Variants in GPAT3 observed in about 807,000 individuals in gnomAD.
The protein encoded by GPAT3 is glycerol-3-phosphate acyltransferase 3, also known as 1-AGP acyltransferase 9.
In GPAT3, 53 loss-of-function variants were observed where a neutral mutation model predicts 58.8. That is an observed-to-expected ratio of 0.90 (90% CI 0.72 to 1.13). The LOEUF (loss-of-function observed/expected upper bound fraction) is 1.13. GPAT3 is among the 50% of genes most tolerant of loss of function. GPAT3 has a pLI of 0.00. For synonymous variants in GPAT3, 197 were observed against 187.4 expected, an observed-to-expected ratio of 1.05 and a Z score of -0.42; for missense variants, 511 against 527.6, an observed-to-expected ratio of 0.97 and a Z score of 0.31.
chr4:83,601,895 C>T (rs1054931496), intron 11 of GPAT3, among the ~76,000 whole-genome samples: 8 of 152,184 alleles, frequency 5.3e-5, no homozygotes, highest in African/African-American at 1.9e-4. Context: ...GCTAGCTGAC[C>T]ACCCTGGAGT....
At chr4:83,557,043 T>C (rs1226262561) in intron 2 of GPAT3, among the ~76,000 whole-genome samples, 1 of 152,184 alleles carries the variant, frequency 6.6e-6, no homozygotes, top group African/African-American at 2.4e-5. Context: ...GTCCCATTCA[T>C]GAGGGCTCCA....
chr4:83,584,830 T>A (rs1454610259), intron 3 of GPAT3, among the ~76,000 whole-genome samples: 1 of 152,214 alleles, frequency 6.6e-6, no homozygotes, highest in Non-Finnish European at 1.5e-5. Context: ...ATGGGTTGAA[T>A]TGTATGGCAT....
intron 6 of GPAT3, 73 bp downstream of exon 6, chr4:83,590,365 A>G: frequency 6.9e-7 from 1 of 1,455,950 alleles, no homozygotes; most frequent in Non-Finnish European, 9.5e-7. Context: ...TTTTGGCATA[A>G]ATTAGCAAGT....
chr4:83,558,010 C>T (rs1725000659), intron 2 of GPAT3, among the ~76,000 whole-genome samples: 1 of 152,032 alleles, frequency 6.6e-6, no homozygotes, highest in Admixed American at 6.6e-5. Context: ...GTCAGGAGTT[C>T]GAGACCAGCC....
chr4:83,590,281 T>A lies in GPAT3; in HGVS notation c.727T>A (p.Cys243Ser). The change falls in exon 6 of 12, where the codon TGT becomes AGT. Residue 243 changes from cysteine to serine, a missense_variant. Transcript: ENST00000264409. ...IDVLILTTDG[C>S]YAMVGQVHGG... ...TGTTTTAATCTTGACAACGGATGGA[T>A]GTTATGCTATGGTAAGAGCAGCTCA... is the stretch of plus-strand genomic sequence containing the variant. The A allele has an allele frequency of 6.2e-7, 1 of 1,613,568 alleles. No individual in the cohort carries two copies.
Position 83,588,202 on chromosome 4 carries a change from T to C in GPAT3, c.555-8T>C, listed in dbSNP as rs1726458151. On this transcript the variant is annotated splice_polypyrimidine_tract_variant and splice_region_variant and intron_variant, in intron 4 of 11. Transcript: ENST00000264409. The stretch of plus-strand genomic sequence containing the variant: ...AATGGCACAATAAAATGTTTCTATT[T>C]CCTTCAGCCTCAAAAACTGGCTGAG... The C allele has an allele frequency of 6.2e-7, 1 of 1,613,574 alleles. No homozygotes were observed. Among genetic ancestry groups the C allele is most frequent in the South Asian group, 1.1e-5 (1 of 91,012 alleles).
rs369316591 is a variant in GPAT3 at position 83,551,464 on chromosome 4, G to A, written c.208+6862G>A. On this transcript the variant is annotated intron_variant, in intron 2 of 11. Coordinates refer to ENST00000264409, the MANE Select transcript of GPAT3 (RefSeq NM_032717.5). Reference sequence around the variant, plus strand: ...AGGAGGGAGAGCAAGAGGTGGTGAGGAGGGGCTTTAACTGTATTTATAATT... The same window carrying A: ...AGGAGGGAGAGCAAGAGGTGGTGAGAAGGGGCTTTAACTGTATTTATAATT... Among the ~76,000 whole-genome samples, 40 of 149,904 alleles carry A rather than the reference G, an allele frequency of 2.7e-4. No homozygotes were observed. In the East Asian group the frequency reaches 5.3e-3, roughly 20 times the overall value.
chr4:83,584,771 G>T (rs967121723), intron 3 of GPAT3, among the ~76,000 whole-genome samples: 1 of 152,238 alleles, frequency 6.6e-6, no homozygotes, highest in Non-Finnish European at 1.5e-5. Flanking sequence ...TTCCCAAAGT[G>T]CTGGGATTAC....
chr4:83,594,247 A>G (rs1726728763), intron 6 of GPAT3, among the ~76,000 whole-genome samples: 1 of 152,168 alleles, frequency 6.6e-6, no homozygotes, highest in South Asian at 2.1e-4. Context: ...AATTTCTTAT[A>G]TTTGGACATT....
chr4:83,535,876 A>C (rs1175901872), upstream of GPAT3: 5 of 985,544 alleles, frequency 5.1e-6, no homozygotes, highest in African/African-American at 5.2e-5. Context: ...ATACGTCAGC[A>C]GTTCATTCTG....
chr4:83,545,751 T>C (rs1014855581), intron 2 of GPAT3, among the ~76,000 whole-genome samples: 1 of 152,136 alleles, frequency 6.6e-6, no homozygotes, highest in Non-Finnish European at 1.5e-5. Context: ...CTCTGAAATA[T>C]AGCAGCTCTA....
At chr4:83,566,716 G>T (rs746386091) in intron 2 of GPAT3, among the ~76,000 whole-genome samples, 1 of 150,770 alleles carries the variant, frequency 6.6e-6, no homozygotes, top group East Asian at 1.9e-4. Flanking sequence ...ATCTATGTTG[G>T]GTCTTACTTT....
Position 83,598,031 on chromosome 4 carries a change from T to G in GPAT3, c.997-20T>G. On this transcript the variant is annotated intron_variant, in intron 9 of 11. Coordinates refer to ENST00000264409, the MANE Select transcript of GPAT3 (RefSeq NM_032717.5). ...AACCACCCTTATTTCATAACTGAGA[T>G]GTATTTTCTTTTTTCTCAGTATAAC... 6.2e-7 allele frequency: 1 copy of G among 1,612,576 alleles called. No homozygotes were observed. Among genetic ancestry groups the G allele is most frequent in the Non-Finnish European group, 8.5e-7 (1 of 1,179,558 alleles).
rs1348862710 is a variant in GPAT3, at chr4:83,581,641, G to T, written c.288G>T (p.Val96=). The change falls in exon 3 of 12, where the codon GTG becomes GTT. Residue 96 remains valine, a synonymous_variant. Transcript: ENST00000264409. The stretch of plus-strand genomic sequence containing the variant: ...GAAGGGACTTTGAGCTGTCTGACGT[G>T]TTTTATTTCTCCAAGAAGGGATTGG... ...LRGRDFELSD[V]FYFSKKGLEA... is the part of the protein sequence containing the mutation. The T allele has an allele frequency of 6.2e-7, 1 of 1,614,148 alleles. No individual in the cohort carries two copies. Among genetic ancestry groups the T allele is most frequent in the Admixed American group, 1.7e-5 (1 of 60,012 alleles).
rs777723816 is a variant in GPAT3, at chr4:83,604,653, T to C, written c.1206-15T>C. On this transcript the variant is annotated splice_polypyrimidine_tract_variant and intron_variant, in intron 11 of 11. Transcript: ENST00000264409. ...CTGTAAAGTATCTTTTATGTATTTG[T>C]CTTTCTGTTTGCAGGGATGGAGGAC... The C allele has an allele frequency of 6.2e-6, 10 of 1,601,818 alleles. No individual in the cohort carries two copies. The East Asian group carries it at 2.2e-4, about 36-fold the overall frequency.
chr4:83,579,063 T>C lies in GPAT3; in HGVS notation c.209-2499T>C, dbSNP rs866265315. ...CTTTCTTTCTTTCTTTCTTTCTTTC[T>C]TTCTTTCTTTCTTTCTTCCCTTCCT... On this transcript the variant is annotated intron_variant, in intron 2 of 11. Coordinates refer to ENST00000264409, the MANE Select transcript of GPAT3 (RefSeq NM_032717.5). Among the ~76,000 whole-genome samples, 85 of 33,970 alleles carry C rather than the reference T, an allele frequency of 2.5e-3. 11 individuals carry two copies. Among genetic ancestry groups the C allele is most frequent in the Non-Finnish European group, 3.7e-3 (65 of 17,684 alleles). The allele number at this position is 33,970 out of a possible 152,430, so 22.3% of individuals were successfully genotyped here.
At chr4:83,556,715 A>C (rs181026426) in intron 2 of GPAT3, among the ~76,000 whole-genome samples, 203 of 152,088 alleles carry the variant, frequency 1.3e-3, no homozygotes, top group South Asian at 2.7e-3. Context: ...TTATTTTGTA[A>C]GTTTTTGGAG....
intron 2 of GPAT3, among the ~76,000 whole-genome samples, chr4:83,548,311 A>G (rs1393100754): frequency 6.6e-6 from 1 of 152,124 alleles, no homozygotes; most frequent in African/African-American, 2.4e-5. Flanking sequence ...AGCCTGTTTT[A>G]AATATACAAA....
chr4:83,558,187 C>T lies in GPAT3; in HGVS notation c.208+13585C>T, dbSNP rs560202973. Among the ~76,000 whole-genome samples the T allele has an allele frequency of 7.2e-5, 11 of 151,862 alleles. No homozygotes were observed. The East Asian group carries it at 1.7e-3, about 24-fold the overall frequency. ...CAAGATCATACCACTGCACTCCAGC[C>T]TAGGCGACACAGCAAGCCTCTGTCT... On this transcript the variant is annotated intron_variant, in intron 2 of 11. Coordinates refer to ENST00000264409, the MANE Select transcript of GPAT3 (RefSeq NM_032717.5).
Sources: allele counts gnomAD v4.1 joint callset (sites outside exome capture counted in the v4.1 genomes callset), GRCh38; gene constraint gnomAD v4.1.1; transcripts MANE v1.5; gene names NCBI Gene and HGNC (gene_info 2026-07-23, HGNC 2026-07-21).